KCMF1: variants seen among roughly 807,000 people sequenced by gnomAD.
KCMF1 encodes potassium channel modulatory factor 1, also known as E3 ubiquitin-protein ligase KCMF1.
KCMF1 carries 3 observed loss-of-function variants against 41.1 expected under a neutral mutation model. The ratio of observed to expected loss-of-function variants is 0.07; its 90% CI spans 0.03 to 0.19. The LOEUF (loss-of-function observed/expected upper bound fraction) is 0.19. Among genes scored for constraint, KCMF1 ranks in the 10% least tolerant of loss-of-function variants. The probability of loss-of-function intolerance (pLI) is 1.00; values close to 1 mark genes in which losing one functional copy is unlikely to be tolerated. For synonymous variants in KCMF1, 142 were observed against 164.5 expected, an observed-to-expected ratio of 0.86 and a Z score of 1.04; for missense variants, 286 against 488.9, an observed-to-expected ratio of 0.58 and a Z score of 3.91.
At chr2:85,014,346 G>GA (rs1253307638) in intron 1 of KCMF1, among the ~76,000 whole-genome samples, 1 of 152,058 alleles carries the variant, frequency 6.6e-6, no homozygotes, top group East Asian at 1.9e-4. Flanking sequence ...TACTTCTGGG[G>GA]AAAAAAGGAT....
chr2:85,027,953 C>T lies in KCMF1; in HGVS notation c.81C>T (p.Cys27=), dbSNP rs1451453730. The change falls in exon 2 of 7, where the codon TGC becomes TGT. Residue 27 remains cysteine (C), a synonymous_variant. Transcript: ENST00000409785. ...GTCGCAGATATAAGTGTTTAATTTG[C>T]TACGATTACGATCTTTGTGCATCTT... is the stretch of plus-strand genomic sequence containing the variant. The part of the protein sequence containing the change: ...FRGRRYKCLI[C]YDYDLCASCY... The T allele has an allele frequency of 1.9e-6, 3 of 1,612,492 alleles. 1 individual carries two copies. The South Asian group carries it at 3.3e-5, about 18-fold the overall frequency.
At chr2:84,973,151 G>C (rs1673446046) in intron 1 of KCMF1, among the ~76,000 whole-genome samples, 1 of 152,208 alleles carries the variant, frequency 6.6e-6, no homozygotes, top group Admixed American at 6.5e-5. Flanking sequence ...TGAAAACTGG[G>C]AGGGTTAGTT....
chr2:85,057,426 G>C lies in KCMF1; in HGVS notation c.*4017G>C, dbSNP rs1016404439. ...AACAGTAATTGAAACCCTATGCCTG[G>C]CCTGGAGTGGGTAGAGGTTAGGGTT... On this transcript the variant is annotated 3_prime_UTR_variant, in exon 7 of 7. Transcript: ENST00000409785. 1 of 152,170 alleles carries C rather than the reference G, an allele frequency of 6.6e-6. No homozygotes were observed. The highest frequency in any genetic ancestry group is 1.5e-5 in the Non-Finnish European group (1 of 68,048). 9.4% of individuals were successfully genotyped at this position (152,170 alleles called of 1,614,324 possible).
At chr2:85,017,062 G>C (rs187049711) in intron 1 of KCMF1, among the ~76,000 whole-genome samples, 1,469 of 138,544 alleles carry the variant, frequency 0.011, 18 homozygotes, top group African/African-American at 0.037. Flanking sequence ...CTGTCGCCCA[G>C]GCGGGACTGC....
chr2:85,034,907 C>T (rs1439150724), intron 2 of KCMF1, 109 bp from the exon 3 acceptor site: 17 of 922,056 alleles, frequency 1.8e-5, no homozygotes, highest in Admixed American at 8.3e-5. Flanking sequence ...CAGGCATGAA[C>T]CACTGCTCCT....
intron 1 of KCMF1, among the ~76,000 whole-genome samples, chr2:84,981,120 T>C (rs1673733364): frequency 6.6e-6 from 1 of 151,336 alleles, no homozygotes. Context: ...CTAGAAGAAA[T>C]AGCAGAAGAA....
At chr2:85,019,738 A>G (rs955282742) in intron 1 of KCMF1, among the ~76,000 whole-genome samples, 10 of 151,718 alleles carry the variant, frequency 6.6e-5, no homozygotes, top group East Asian at 1.9e-4. Context: ...GTGTGTGTGT[A>G]TATATATGTA....
In KCMF1 at chr2:85,058,373, CT is replaced by C. The variant is rs1367380594; in HGVS notation, c.*4965del. 6.6e-6 allele frequency: 1 copy of C among 151,904 alleles called. No individual in the cohort carries two copies. The highest frequency in any genetic ancestry group is 1.5e-5 in the Non-Finnish European group (1 of 68,084). 9.4% of individuals were successfully genotyped at this position (151,904 alleles called of 1,614,324 possible). ...CTCCAGCCTGGGCGACACAGTGAGA[CT>C]CTCCTCAAAACAAAAAAAAAAGAAA... On this transcript the variant is annotated 3_prime_UTR_variant, in exon 7 of 7. Transcript: ENST00000409785.
Position 84,980,959 on chromosome 2 carries a change from G to A in KCMF1, c.16+9492G>A, listed in dbSNP as rs553469095. Among the ~76,000 whole-genome samples, 5 of 151,882 alleles carry A rather than the reference G, an allele frequency of 3.3e-5. No individual in the cohort carries two copies. In the South Asian group the frequency reaches 1.0e-3, roughly 32 times the overall value. On this transcript the variant is annotated intron_variant, in intron 1 of 6. Coordinates refer to ENST00000409785, the MANE Select transcript of KCMF1 (RefSeq NM_020122.5). ...CCCAGCCTAGCCTCATCTCTTCTAT[G>A]GCCACAGTGCCAGCCAGCAGTCCAT...
chr2:84,993,539 T>C (rs1008708156), intron 1 of KCMF1, among the ~76,000 whole-genome samples: 3 of 149,786 alleles, frequency 2.0e-5, no homozygotes, highest in African/African-American at 4.9e-5. Flanking sequence ...TGGTCAATTC[T>C]CTACCCCCAT....
At chr2:84,991,752 A>G (rs1231625433) in intron 1 of KCMF1, among the ~76,000 whole-genome samples, 1 of 152,220 alleles carries the variant, frequency 6.6e-6, no homozygotes, top group Non-Finnish European at 1.5e-5. Flanking sequence ...ATCAGCCGCA[A>G]CAGCCTCCTC....
At chr2:84,994,008 C>T (rs1026165298) in intron 1 of KCMF1, among the ~76,000 whole-genome samples, 1 of 151,204 alleles carries the variant, frequency 6.6e-6, no homozygotes, top group Non-Finnish European at 1.5e-5. Context: ...AGTGCAGTGG[C>T]GTGACCTCGG....
chr2:85,002,683 C>T (rs1452364720), intron 1 of KCMF1, among the ~76,000 whole-genome samples: 2 of 151,786 alleles, frequency 1.3e-5, no homozygotes, highest in Non-Finnish European at 2.9e-5. Context: ...TTAGTGTCTC[C>T]TGGTTTTGAC....
intron 1 of KCMF1, among the ~76,000 whole-genome samples, chr2:85,014,703 G>A (rs114572564): frequency 0.011 from 1,598 of 145,258 alleles, 30 homozygotes; most frequent in African/African-American, 0.039. Flanking sequence ...AAATACTGGC[G>A]CGCGCGTGCG....
chr2:85,030,341 A>T (rs1159277514), intron 2 of KCMF1, among the ~76,000 whole-genome samples: 1 of 151,588 alleles, frequency 6.6e-6, no homozygotes, highest in Non-Finnish European at 1.5e-5. Flanking sequence ...TCTAATTCTG[A>T]TAATGTCCCG....
At chr2:85,000,034 AAAAG>A (rs1391176909) in intron 1 of KCMF1, among the ~76,000 whole-genome samples, 1 of 152,220 alleles carries the variant, frequency 6.6e-6, no homozygotes, top group Non-Finnish European at 1.5e-5. Context: ...CATTAAAAAA[AAAAG>A]AAAAATAATA....
At chr2:84,974,677 ATATATATATATATATTTTTTTTT>A (rs1673491250) in intron 1 of KCMF1, among the ~76,000 whole-genome samples, 1 of 36,616 alleles carries the variant, frequency 2.7e-5, no homozygotes, top group African/African-American at 1.1e-4. Context: ...ATATATATAT[ATATATATATATATATTTTTTTTT>A]TTTTTTTTTT....
At chr2:84,985,054 C>G (rs1673867184) in intron 1 of KCMF1, among the ~76,000 whole-genome samples, 1 of 151,790 alleles carries the variant, frequency 6.6e-6, no homozygotes, top group African/African-American at 2.4e-5. Context: ...AAGGAAAAGC[C>G]ATAGTTAAAT....
intron 1 of KCMF1, among the ~76,000 whole-genome samples, chr2:84,984,286 G>T (rs765596899): frequency 1.3e-5 from 2 of 151,770 alleles, no homozygotes; most frequent in East Asian, 3.9e-4. Context: ...TTTTTTGTAG[G>T]GATGGGGTCT....
Sources: allele counts gnomAD v4.1 joint callset (sites outside exome capture counted in the v4.1 genomes callset), GRCh38; gene constraint gnomAD v4.1.1; transcripts MANE v1.5; gene names NCBI Gene and HGNC (gene_info 2026-07-23, HGNC 2026-07-21).